Variants in PI15 observed in about 807,000 individuals in gnomAD.
The protein encoded by PI15 is peptidase inhibitor 15.
Under a neutral mutation model 31.0 loss-of-function variants are expected in PI15, and 18 were observed. The observed-to-expected ratio is 0.58, with a 90% CI of 0.40 to 0.86. The LOEUF (loss-of-function observed/expected upper bound fraction) is 0.86, where lower values mean the gene tolerates loss of function less well. Ranked by LOEUF, PI15 falls within the 40% of genes least tolerant of loss-of-function variation. The pLI is 0.00. For synonymous variants in PI15, 118 were observed against 119.1 expected, an observed-to-expected ratio of 0.99 and a Z score of 0.06; for missense variants, 282 against 328.1, an observed-to-expected ratio of 0.86 and a Z score of 1.09.
intron 2 of PI15, among the ~76,000 whole-genome samples, chr8:74,838,277 G>A (rs766530577): frequency 6.6e-6 from 1 of 151,642 alleles, no homozygotes; most frequent in Non-Finnish European, 1.5e-5. Flanking sequence ...GTATTTATAT[G>A]CATATATATT....
chr8:74,832,678 C>A (rs1018334143), intron 2 of PI15, among the ~76,000 whole-genome samples: 6 of 151,994 alleles, frequency 3.9e-5, no homozygotes, highest in African/African-American at 1.5e-4. Context: ...TTAAAATGGT[C>A]AAGAAAGATG....
chr8:74,842,986 C>T (rs1183324595), intron 2 of PI15, among the ~76,000 whole-genome samples: 3 of 151,936 alleles, frequency 2.0e-5, no homozygotes, highest in Admixed American at 6.5e-5. Flanking sequence ...ATTTTTATTA[C>T]CACCAATGAT....
intron 5 of PI15, among the ~76,000 whole-genome samples, chr8:74,848,723 A>C (rs967365682): frequency 7.5e-4 from 108 of 143,800 alleles, no homozygotes; most frequent in African/African-American, 2.7e-3. Flanking sequence ...AAATATATAT[A>C]TATATATATA....
chr8:74,843,906 G>A (rs931423190), intron 2 of PI15, 75 bp from the exon 3 acceptor site: 37 of 796,628 alleles, frequency 4.6e-5, no homozygotes, highest in Non-Finnish European at 2.5e-5. Flanking sequence ...GGAAATAGTA[G>A]CACCATTTAT....
At chr8:74,847,445 CAAAA>C (rs34112666) in intron 5 of PI15, among the ~76,000 whole-genome samples, 1 of 128,606 alleles carries the variant, frequency 7.8e-6, no homozygotes. Context: ...AACTCTGTCT[CAAAA>C]AAAAAAAAAA....
chr8:74,843,380 G>A (rs1810971758), intron 2 of PI15, among the ~76,000 whole-genome samples: 1 of 152,192 alleles, frequency 6.6e-6, no homozygotes, highest in South Asian at 2.1e-4. Context: ...TTGAATAACA[G>A]TGGCCTGAAT....
rs1294230970 is a variant in PI15 at position 74,844,957 on chromosome 8, G to T, written c.393-171G>T. On this transcript the variant is annotated intron_variant, in intron 3 of 5. Transcript: ENST00000260113. Reference sequence around the variant, plus strand: ...CTGGCCATTTCCATGCTTGGCCCTAGTTGGAGGAATAGAGGACCCGACTAG... The same window carrying T: ...CTGGCCATTTCCATGCTTGGCCCTATTTGGAGGAATAGAGGACCCGACTAG... 8.2e-6 allele frequency: 5 copies of T among 607,342 alleles called. No individual in the cohort carries two copies. The East Asian group carries it at 1.1e-4, about 13-fold the overall frequency. The allele number at this position is 607,342 out of a possible 1,614,324, so 37.6% of individuals were successfully genotyped here. A position where few individuals can be genotyped will look rare whatever the true frequency, so the allele number is the denominator to read the frequency against.
rs1811147269 is a variant in PI15 at position 74,854,161 on chromosome 8, A to T, written c.*4908A>T. On this transcript the variant is annotated 3_prime_UTR_variant, in exon 6 of 6. Coordinates refer to ENST00000260113, the MANE Select transcript of PI15 (RefSeq NM_015886.5). Reference sequence around the variant, plus strand: ...GTATGCAAAAGCTTAGGATTATATCATGTGTAACTATTATAGATAACATCC... The same window carrying T: ...GTATGCAAAAGCTTAGGATTATATCTTGTGTAACTATTATAGATAACATCC... 1 of 152,056 alleles carries T rather than the reference A, an allele frequency of 6.6e-6. No individual in the cohort carries two copies. Among genetic ancestry groups the T allele is most frequent in the Non-Finnish European group, 1.5e-5 (1 of 67,928 alleles). The allele number at this position is 152,056 out of a possible 1,614,324, so 9.4% of individuals were successfully genotyped here. A position where few individuals can be genotyped will look rare whatever the true frequency, so the allele number is the denominator to read the frequency against.
intron 5 of PI15, among the ~76,000 whole-genome samples, chr8:74,847,665 G>A (rs1223571023): frequency 2.6e-5 from 4 of 152,066 alleles, no homozygotes. Flanking sequence ...TTTGTAATAT[G>A]AATAAAAGTT....
chr8:74,842,980 T>G (rs1468312751), intron 2 of PI15, among the ~76,000 whole-genome samples: 1 of 152,206 alleles, frequency 6.6e-6, no homozygotes, highest in African/African-American at 2.4e-5. Flanking sequence ...CGTATTATTT[T>G]TATTACCACC....
intron 2 of PI15, among the ~76,000 whole-genome samples, chr8:74,830,346 G>A (rs945398116): frequency 1.3e-5 from 2 of 151,976 alleles, no homozygotes; most frequent in Admixed American, 6.6e-5. Flanking sequence ...TGATAATACA[G>A]TATCTCTTTT....
intron 2 of PI15, among the ~76,000 whole-genome samples, chr8:74,840,015 G>A (rs112041307): frequency 2.0e-5 from 3 of 152,034 alleles, no homozygotes; most frequent in Admixed American, 6.6e-5. Context: ...AGAGCTTCCC[G>A]ATAGGAAAGA....
Position 74,825,210 on chromosome 8 carries a change from CAA to C in PI15, c.-38_-37del, listed in dbSNP as rs1563562973. On this transcript the variant is annotated splice_region_variant and 5_prime_UTR_variant, in exon 2 of 6. Transcript: ENST00000260113. ...CTAACTCTACCTTTCTGCTTTAAAG[CAA>C]AGTAAACTCGGTGGCCTCTTCTTCT... The C allele has an allele frequency of 6.2e-6, 10 of 1,600,766 alleles. No individual in the cohort carries two copies. The highest frequency in any genetic ancestry group is 8.5e-6 in the Non-Finnish European group (10 of 1,170,450).
intron 2 of PI15, among the ~76,000 whole-genome samples, chr8:74,843,478 C>G (rs1810973726): frequency 6.6e-6 from 1 of 152,114 alleles, no homozygotes; most frequent in African/African-American, 2.4e-5. Flanking sequence ...CTGTAATCCC[C>G]ACGCTTTGGG....
At chr8:74,846,155 A>C (rs573566817) in intron 5 of PI15, among the ~76,000 whole-genome samples, 5 of 152,360 alleles carry the variant, frequency 3.3e-5, no homozygotes, top group African/African-American at 1.2e-4. Context: ...AAATGTGCAA[A>C]GGATTTATGA....
chr8:74,826,706 T>C (rs141826936), intron 2 of PI15, among the ~76,000 whole-genome samples: 3 of 152,244 alleles, frequency 2.0e-5, no homozygotes, highest in African/African-American at 7.2e-5. Flanking sequence ...CTGAAGTATA[T>C]GCTGAATGAA....
chr8:74,841,106 A>G (rs1810939012), intron 2 of PI15, among the ~76,000 whole-genome samples: 1 of 152,088 alleles, frequency 6.6e-6, no homozygotes, highest in Non-Finnish European at 1.5e-5. Flanking sequence ...AAATGCCTTA[A>G]TTTTTATTAC....
intron 2 of PI15, among the ~76,000 whole-genome samples, chr8:74,834,782 T>G (rs2128764325): frequency 6.6e-6 from 1 of 152,198 alleles, no homozygotes; most frequent in Middle Eastern, 3.4e-3. Context: ...CTTCTGACCA[T>G]GAGATGCCTA....
intron 2 of PI15, among the ~76,000 whole-genome samples, chr8:74,834,441 C>T (rs1382474334): frequency 6.6e-6 from 1 of 152,302 alleles, no homozygotes; most frequent in Non-Finnish European, 1.5e-5. Flanking sequence ...ATCCTTGACT[C>T]AGTGGATCCA....
Sources: gnomAD v4.1 joint callset for allele counts (sites outside exome capture counted in the v4.1 genomes callset) on GRCh38, gnomAD v4.1.1 for gene constraint, MANE v1.5 for transcripts, NCBI Gene and HGNC (gene_info 2026-07-23, HGNC 2026-07-21) for gene names.